The following CCSER1 variants were observed in gnomAD, a reference collection of about 807,000 sequenced individuals.
The protein encoded by CCSER1 is coiled-coil serine rich protein 1, also known as serine-rich coiled-coil domain-containing protein 1.
Under a neutral mutation model 82.0 loss-of-function variants are expected in CCSER1, and 41 were observed. The ratio of observed to expected loss-of-function variants is 0.50; its 90% CI spans 0.39 to 0.65. The LOEUF (loss-of-function observed/expected upper bound fraction) is 0.65, where lower values mean the gene tolerates loss of function less well. Ranked by LOEUF, CCSER1 falls within the 30% of genes least tolerant of loss-of-function variation. The probability of loss-of-function intolerance (pLI) is 0.00; values close to 1 mark genes in which losing one functional copy is unlikely to be tolerated. For missense variants in CCSER1, 1,119 were observed against 1,064.2 expected (o/e 1.05, Z -0.72); for synonymous variants, 414 against 383.9 (o/e 1.08, Z -0.92).
intron 10 of CCSER1, among the ~76,000 whole-genome samples, chr4:91,497,635 T>A (rs1003833756): frequency 6.6e-6 from 1 of 151,808 alleles, no homozygotes; most frequent in African/African-American, 2.4e-5. Flanking sequence ...TCTATGCTAA[T>A]TTTTAAGAGA....
chr4:90,865,023 GT>G (rs1213309680), intron 8 of CCSER1, among the ~76,000 whole-genome samples: 2 of 151,850 alleles, frequency 1.3e-5, no homozygotes, highest in African/African-American at 2.4e-5. Flanking sequence ...AGACCCTTAG[GT>G]TTTTGTTTTC....
intron 9 of CCSER1, among the ~76,000 whole-genome samples, chr4:90,954,019 C>A (rs74345122): frequency 2.0e-5 from 3 of 151,720 alleles, no homozygotes; most frequent in Non-Finnish European, 4.4e-5. Context: ...CTTCTACTAT[C>A]GGATTGAATG....
At chr4:90,800,043 C>T (rs1756594097) in intron 7 of CCSER1, among the ~76,000 whole-genome samples, 1 of 152,168 alleles carries the variant, frequency 6.6e-6, no homozygotes, top group African/African-American at 2.4e-5. Context: ...TCCTTCTGTC[C>T]ACTCTTGGTG....
intron 4 of CCSER1, among the ~76,000 whole-genome samples, chr4:90,444,751 ACT>A (rs1186716697): frequency 2.6e-5 from 4 of 151,842 alleles, no homozygotes; most frequent in Admixed American, 6.6e-5. Context: ...AATATTAGAA[ACT>A]CATGTTTTAT....
intron 5 of CCSER1, among the ~76,000 whole-genome samples, chr4:90,589,634 T>A (rs1782453060): frequency 1.3e-5 from 2 of 152,148 alleles, no homozygotes; most frequent in Admixed American, 1.3e-4. Context: ...TATGATAAAA[T>A]GTTGCTATAA....
chr4:91,009,264 G>C (rs1257207353), intron 9 of CCSER1, among the ~76,000 whole-genome samples: 2 of 152,224 alleles, frequency 1.3e-5, no homozygotes, highest in Admixed American at 6.5e-5. Context: ...GGGACCCAAA[G>C]AGGGTAGCCG....
chr4:90,774,249 T>A (rs1752608159), intron 7 of CCSER1, among the ~76,000 whole-genome samples: 1 of 152,172 alleles, frequency 6.6e-6, no homozygotes, highest in Non-Finnish European at 1.5e-5. Context: ...TAAATTCCTG[T>A]GAAATTGATT....
chr4:90,871,291 A>C (rs1157363583), intron 8 of CCSER1, among the ~76,000 whole-genome samples: 6 of 151,632 alleles, frequency 4.0e-5, no homozygotes, highest in African/African-American at 1.2e-4. Context: ...TTTTAAAAAA[A>C]AATATTTAGG....
At chr4:91,372,408 G>A (rs539902623) in intron 10 of CCSER1, among the ~76,000 whole-genome samples, 1 of 152,120 alleles carries the variant, frequency 6.6e-6, no homozygotes, top group East Asian at 1.9e-4. Flanking sequence ...ATTAGAGGTA[G>A]CTCCAAGATC....
intron 7 of CCSER1, among the ~76,000 whole-genome samples, chr4:90,751,756 C>G (rs551929174): frequency 4.7e-4 from 72 of 151,858 alleles, no homozygotes; most frequent in Non-Finnish European, 9.1e-4. Context: ...TCATTTTAAG[C>G]TATGTGTTCC....
chr4:90,822,495 A>G (rs1489273731), intron 8 of CCSER1, among the ~76,000 whole-genome samples: 1 of 152,152 alleles, frequency 6.6e-6, no homozygotes, highest in Non-Finnish European at 1.5e-5. Flanking sequence ...TTGGGAGGCC[A>G]AGGCGGGCGA....
At chr4:91,088,500 G>A (rs1385481115) in intron 10 of CCSER1, among the ~76,000 whole-genome samples, 1 of 152,086 alleles carries the variant, frequency 6.6e-6, no homozygotes, top group African/African-American at 2.4e-5. Flanking sequence ...TATAAGTTAA[G>A]GAGAAGTGAT....
At chr4:90,156,149 G>A (rs546119409) in intron 1 of CCSER1, among the ~76,000 whole-genome samples, 3 of 152,310 alleles carry the variant, frequency 2.0e-5, no homozygotes, top group South Asian at 4.1e-4. Context: ...TCATTCAGGA[G>A]CAGGTTGTTC....
chr4:90,183,043 A>C (rs1458170499), intron 1 of CCSER1, among the ~76,000 whole-genome samples: 1 of 152,132 alleles, frequency 6.6e-6, no homozygotes, highest in East Asian at 1.9e-4. Context: ...AATTGGTATA[A>C]TGGTATAAGG....
At chr4:91,435,637 C>A (rs1401198990) in intron 10 of CCSER1, among the ~76,000 whole-genome samples, 2 of 151,980 alleles carry the variant, frequency 1.3e-5, no homozygotes, top group African/African-American at 4.8e-5. Context: ...ATATGTAGTT[C>A]TTTTATATAT....
At chr4:90,534,620 A>T (rs1380093790) in intron 5 of CCSER1, among the ~76,000 whole-genome samples, 1 of 152,250 alleles carries the variant, frequency 6.6e-6, no homozygotes, top group African/African-American at 2.4e-5. Flanking sequence ...ACAGAGATAC[A>T]TAAAAAAATA....
intron 9 of CCSER1, among the ~76,000 whole-genome samples, chr4:91,047,247 C>CAG (rs1742589785): frequency 6.6e-6 from 1 of 152,066 alleles, no homozygotes; most frequent in African/African-American, 2.4e-5. Context: ...TATACACACA[C>CAG]ACACACATAT....
At chr4:91,207,097 G>A (rs1736408820) in intron 10 of CCSER1, among the ~76,000 whole-genome samples, 1 of 151,838 alleles carries the variant, frequency 6.6e-6, no homozygotes, top group African/African-American at 2.4e-5. Flanking sequence ...GTAAAGCATG[G>A]TGGCATAATG....
chr4:90,479,795 G>A (rs930872803), intron 5 of CCSER1, among the ~76,000 whole-genome samples: 1 of 152,090 alleles, frequency 6.6e-6, no homozygotes, highest in East Asian at 1.9e-4. Flanking sequence ...ATTTGGGTTG[G>A]GTCCAAGTCT....
Sources: allele counts gnomAD v4.1 joint callset (sites outside exome capture counted in the v4.1 genomes callset), GRCh38; gene constraint gnomAD v4.1.1; transcripts MANE v1.5; gene names NCBI Gene and HGNC (gene_info 2026-07-23, HGNC 2026-07-21).